CDA: variants seen among roughly 807,000 people sequenced by gnomAD.
The protein encoded by CDA is cytidine aminohydrolase.
In CDA, 7 loss-of-function variants were observed where a neutral mutation model predicts 15.0. That is an observed-to-expected ratio of 0.47 (90% CI 0.26 to 0.87). CDA has a LOEUF of 0.87. CDA is among the 40% of genes least tolerant of loss of function. The pLI is 0.15. For missense variants in CDA, 159 were observed against 182.7 expected (o/e 0.87, Z 0.75); for synonymous variants, 58 against 73.0 (o/e 0.79, Z 1.05).
At chr1:20,615,688 T>A (rs750946375) in intron 3 of CDA, among the ~76,000 whole-genome samples, 4 of 151,712 alleles carry the variant, frequency 2.6e-5, no homozygotes, top group Non-Finnish European at 5.9e-5. Context: ...AGCTCCAGCA[T>A]AATATCAAGA....
In CDA at chr1:20,614,412, G is replaced by A. The variant is rs546889198; in HGVS notation, c.324+513G>A. 3.3e-5 allele frequency among the ~76,000 whole-genome samples: 5 copies of A among 152,278 alleles called. No homozygotes were observed. In the East Asian group the frequency reaches 9.6e-4, roughly 29 times the overall value. ...CTTGTATTTGTAAATAAAGTTTTAT[G>A]GGTATACAGCCATGGCCATTCATTC... On this transcript the variant is annotated intron_variant, in intron 3 of 3. Coordinates refer to ENST00000375071, the MANE Select transcript of CDA (RefSeq NM_001785.3).
At chr1:20,600,165 A>G (rs2052628994) in intron 1 of CDA, among the ~76,000 whole-genome samples, 1 of 152,220 alleles carries the variant, frequency 6.6e-6, no homozygotes, top group African/African-American at 2.4e-5. Context: ...GAACTTCCAG[A>G]GCAGACACAT....
chr1:20,596,864 G>A (rs1038241974), intron 1 of CDA, among the ~76,000 whole-genome samples: 6 of 149,792 alleles, frequency 4.0e-5, no homozygotes, highest in South Asian at 4.3e-4. Flanking sequence ...TGGCTCAGGC[G>A]ATCCTCCCAC....
intron 1 of CDA, among the ~76,000 whole-genome samples, chr1:20,594,266 G>A (rs2052572638): frequency 6.6e-6 from 1 of 152,182 alleles, no homozygotes; most frequent in Admixed American, 6.5e-5. Flanking sequence ...CCTGGCCAGG[G>A]CCTTGTGCCC....
At chr1:20,615,536 G>A (rs544628052) in intron 3 of CDA, among the ~76,000 whole-genome samples, 1 of 151,706 alleles carries the variant, frequency 6.6e-6, no homozygotes, top group African/African-American at 2.4e-5. Flanking sequence ...TTAGATCATG[G>A]GTTCTTAATC....
At chr1:20,593,035 A>G (rs954173379) in intron 1 of CDA, among the ~76,000 whole-genome samples, 1 of 152,224 alleles carries the variant, frequency 6.6e-6, no homozygotes, top group Non-Finnish European at 1.5e-5. Flanking sequence ...TCGAGGCTGC[A>G]GTGAGCTGTA....
intron 2 of CDA, among the ~76,000 whole-genome samples, chr1:20,613,393 C>T (rs746283368): frequency 4.3e-4 from 66 of 152,112 alleles, no homozygotes; most frequent in Non-Finnish European, 7.5e-4. Flanking sequence ...TTAGTAAAGA[C>T]GGTGTTTTAC....
chr1:20,600,471 A>G (rs1413788134), intron 1 of CDA, among the ~76,000 whole-genome samples: 1 of 152,044 alleles, frequency 6.6e-6, no homozygotes, highest in Non-Finnish European at 1.5e-5. Flanking sequence ...AGTCATTTTC[A>G]GGGGCTGGGC....
intron 1 of CDA, among the ~76,000 whole-genome samples, chr1:20,592,945 G>T (rs1168913071): frequency 6.6e-6 from 1 of 152,038 alleles, no homozygotes; most frequent in Admixed American, 6.6e-5. Flanking sequence ...GTACAAAAAT[G>T]AGCTGGATGT....
intron 2 of CDA, among the ~76,000 whole-genome samples, chr1:20,608,832 C>T (rs1252610129): frequency 6.6e-6 from 1 of 152,180 alleles, no homozygotes; most frequent in African/African-American, 2.4e-5. Flanking sequence ...ACTCTGTGGC[C>T]TTGGGCAAGT....
chr1:20,607,902 A>C (rs895601779), intron 2 of CDA, among the ~76,000 whole-genome samples: 1 of 152,160 alleles, frequency 6.6e-6, no homozygotes, highest in Non-Finnish European at 1.5e-5. Context: ...TGGAGACCGC[A>C]CTCAGGAAAG....
At chr1:20,596,412 C>A (rs1000406349) in intron 1 of CDA, among the ~76,000 whole-genome samples, 8 of 152,050 alleles carry the variant, frequency 5.3e-5, no homozygotes, top group Non-Finnish European at 1.0e-4. Context: ...CCAGCCCAGA[C>A]CTATTGAATC....
At chr1:20,601,001 A>G (rs1411551546) in intron 1 of CDA, among the ~76,000 whole-genome samples, 1 of 152,192 alleles carries the variant, frequency 6.6e-6, no homozygotes, top group East Asian at 1.9e-4. Context: ...TTCCAACTGT[A>G]TTAACTGATC....
intron 3 of CDA, among the ~76,000 whole-genome samples, chr1:20,615,353 G>A (rs933029450): frequency 6.6e-6 from 1 of 151,434 alleles, no homozygotes; most frequent in Non-Finnish European, 1.5e-5. Flanking sequence ...AAAACGGTAA[G>A]CCAGGTATGG....
intron 1 of CDA, among the ~76,000 whole-genome samples, chr1:20,603,524 A>G (rs918259894): frequency 6.6e-6 from 1 of 152,226 alleles, no homozygotes; most frequent in African/African-American, 2.4e-5. Flanking sequence ...AGTATGATCC[A>G]GAAATTTCCC....
At chr1:20,597,696 T>C (rs1484385872) in intron 1 of CDA, among the ~76,000 whole-genome samples, 3 of 152,196 alleles carry the variant, frequency 2.0e-5, no homozygotes, top group Admixed American at 2.0e-4. Context: ...TATCTTATTA[T>C]TATGGATTTC....
At chr1:20,607,236 A>G (rs2052701983) in intron 2 of CDA, among the ~76,000 whole-genome samples, 1 of 152,202 alleles carries the variant, frequency 6.6e-6, no homozygotes, top group South Asian at 2.1e-4. Context: ...GCCTTTTATA[A>G]GATCCTACAC....
intron 1 of CDA, among the ~76,000 whole-genome samples, chr1:20,593,709 G>A (rs1436635733): frequency 6.6e-6 from 1 of 152,168 alleles, no homozygotes; most frequent in Non-Finnish European, 1.5e-5. Flanking sequence ...CAAGTAGCTG[G>A]GACTACAGGT....
At chr1:20,596,753 T>C (rs1335141750) in intron 1 of CDA, among the ~76,000 whole-genome samples, 2 of 135,966 alleles carry the variant, frequency 1.5e-5, no homozygotes, top group Non-Finnish European at 3.1e-5. Flanking sequence ...TCCCTGTTGA[T>C]GTCTTTTTTT....
Sources: allele counts gnomAD v4.1 joint callset (sites outside exome capture counted in the v4.1 genomes callset), GRCh38; gene constraint gnomAD v4.1.1; transcripts MANE v1.5; gene names NCBI Gene and HGNC (gene_info 2026-07-23, HGNC 2026-07-21).